Variants in ENOX1 observed in about 807,000 individuals in gnomAD.
ENOX1 encodes the protein ecto-NOX disulfide-thiol exchanger 1, also known as candidate growth-related and time keeping constitutive hydroquinone (NADH) oxidase.
In ENOX1, 42 loss-of-function variants were observed where a neutral mutation model predicts 82.5. The ratio of observed to expected loss-of-function variants is 0.51; its 90% CI spans 0.40 to 0.66. The LOEUF is 0.66. Ranked by LOEUF, ENOX1 falls within the 30% of genes least tolerant of loss-of-function variation. The pLI, the probability that ENOX1 is intolerant of heterozygous loss-of-function variation, is 0.00. For missense variants in ENOX1, 608 were observed against 811.6 expected (o/e 0.75, Z 3.05); for synonymous variants, 271 against 282.2 (o/e 0.96, Z 0.40).
chr13:43,277,591 C>G (rs929414969), intron 12 of ENOX1, among the ~76,000 whole-genome samples: 20 of 152,102 alleles, frequency 1.3e-4, no homozygotes, highest in Admixed American at 1.2e-3. Flanking sequence ...CCCTGTGGAC[C>G]GAGTAAGGCA....
intron 1 of ENOX1, among the ~76,000 whole-genome samples, chr13:43,760,105 T>C (rs950374232): frequency 3.6e-4 from 55 of 152,240 alleles, no homozygotes; most frequent in African/African-American, 1.3e-3. Flanking sequence ...CTCTCTTCCC[T>C]ATAGGAATAC....
At chr13:43,680,011 A>G (rs900712771) in intron 1 of ENOX1, among the ~76,000 whole-genome samples, 2 of 152,224 alleles carry the variant, frequency 1.3e-5, no homozygotes, top group African/African-American at 4.8e-5. Context: ...AAAGAAGTCA[A>G]CTGCATTCAG....
At chr13:43,777,516 G>A (rs1267455367) in intron 1 of ENOX1, among the ~76,000 whole-genome samples, 1 of 151,512 alleles carries the variant, frequency 6.6e-6, no homozygotes, top group East Asian at 1.9e-4. Flanking sequence ...TTTGTGCAAA[G>A]ATATCACAGG....
chr13:43,607,386 C>T (rs2082022295), intron 2 of ENOX1, among the ~76,000 whole-genome samples: 1 of 152,024 alleles, frequency 6.6e-6, no homozygotes, highest in African/African-American at 2.4e-5. Context: ...TATCAATATA[C>T]CCTAAGTAAT....
chr13:43,468,634 G>GAAAAAAAAAAAAAAAAAAAAAAA (rs60827645), intron 3 of ENOX1, among the ~76,000 whole-genome samples: 1 of 127,524 alleles, frequency 7.8e-6, no homozygotes. Flanking sequence ...CCACAAAAAA[G>GAAAAAAAAAAAAAAAAAAAAAAA]AAAAAAAAAA....
intron 1 of ENOX1, among the ~76,000 whole-genome samples, chr13:43,668,820 G>A (rs577961934): frequency 6.6e-6 from 1 of 152,324 alleles, no homozygotes; most frequent in East Asian, 1.9e-4. Context: ...GAAAAAGGAT[G>A]AGGAAAGATC....
chr13:43,699,426 G>A (rs79797023), intron 1 of ENOX1, among the ~76,000 whole-genome samples: 1,920 of 152,262 alleles, frequency 0.013, 40 homozygotes, highest in African/African-American at 0.043. Context: ...GCAACAGAGC[G>A]TTCTTAAAGT....
chr13:43,288,170 C>A (rs1566428203), intron 12 of ENOX1, among the ~76,000 whole-genome samples: 1 of 152,154 alleles, frequency 6.6e-6, no homozygotes, highest in Non-Finnish European at 1.5e-5. Flanking sequence ...TAAAGGAAGA[C>A]CATGGTGGAC....
intron 1 of ENOX1, among the ~76,000 whole-genome samples, chr13:43,707,342 T>A (rs188423770): frequency 6.6e-6 from 1 of 152,244 alleles, no homozygotes; most frequent in African/African-American, 2.4e-5. Flanking sequence ...ATTTGTAGAT[T>A]CAATGCCATC....
At chr13:43,702,377 G>A (rs749583724) in intron 1 of ENOX1, among the ~76,000 whole-genome samples, 30 of 152,162 alleles carry the variant, frequency 2.0e-4, no homozygotes, top group Non-Finnish European at 3.5e-4. Context: ...CAGTCTGATT[G>A]AAGAATATAG....
At chr13:43,603,050 C>T (rs2081796942) in intron 2 of ENOX1, among the ~76,000 whole-genome samples, 1 of 151,846 alleles carries the variant, frequency 6.6e-6, no homozygotes, top group Admixed American at 6.6e-5. Flanking sequence ...ATAATATTAC[C>T]TTTAAGTGTT....
chr13:43,390,959 C>G (rs1216787328), intron 5 of ENOX1, among the ~76,000 whole-genome samples: 2 of 152,152 alleles, frequency 1.3e-5, no homozygotes, highest in African/African-American at 4.8e-5. Flanking sequence ...CTACGAATCC[C>G]TTTTCTTTGT....
At chr13:43,734,381 C>T (rs1486544085) in intron 1 of ENOX1, among the ~76,000 whole-genome samples, 4 of 152,140 alleles carry the variant, frequency 2.6e-5, no homozygotes, top group Non-Finnish European at 4.4e-5. Context: ...TGCTATAGAA[C>T]CTTCTGTAAT....
chr13:43,485,142 A>T (rs2076369086), intron 2 of ENOX1, among the ~76,000 whole-genome samples: 1 of 152,182 alleles, frequency 6.6e-6, no homozygotes, highest in African/African-American at 2.4e-5. Flanking sequence ...TTAATGGCTG[A>T]GGGTGACAAA....
intron 3 of ENOX1, among the ~76,000 whole-genome samples, chr13:43,446,168 G>GTT (rs148902875): frequency 1.4e-5 from 2 of 143,250 alleles, no homozygotes; most frequent in Non-Finnish European, 3.1e-5. Context: ...CCTGTGCCTT[G>GTT]TTTTTTTTTT....
At chr13:43,712,820 A>C (rs934349006) in intron 1 of ENOX1, among the ~76,000 whole-genome samples, 2 of 151,670 alleles carry the variant, frequency 1.3e-5, no homozygotes, top group African/African-American at 4.8e-5. Flanking sequence ...GGGCTGAGAC[A>C]ATGGGGTTTT....
intron 3 of ENOX1, among the ~76,000 whole-genome samples, chr13:43,431,974 T>C (rs1313078561): frequency 6.6e-6 from 1 of 152,172 alleles, no homozygotes; most frequent in African/African-American, 2.4e-5. Context: ...AGTATAGGCC[T>C]TATACCCCAG....
chr13:43,224,160 T>C, intron 15 of ENOX1, 22 bp from the exon 16 acceptor site: 1 of 1,587,422 alleles, frequency 6.3e-7, no homozygotes, highest in South Asian at 1.1e-5. Context: ...AGGCAAACAT[T>C]GGAAATTATT....
At chr13:43,535,054 TTAG>T (rs2078393934) in intron 2 of ENOX1, among the ~76,000 whole-genome samples, 1 of 152,196 alleles carries the variant, frequency 6.6e-6, no homozygotes, top group Admixed American at 6.5e-5. Context: ...TGTGTGACCT[TTAG>T]CAAGGAGCTT....
Sources: allele counts gnomAD v4.1 joint callset (sites outside exome capture counted in the v4.1 genomes callset), GRCh38; gene constraint gnomAD v4.1.1; transcripts MANE v1.5; gene names NCBI Gene and HGNC (gene_info 2026-07-23, HGNC 2026-07-21).